The following TRAPPC9 variants were observed in gnomAD, a reference collection of about 807,000 sequenced individuals.
TRAPPC9 encodes the protein IKK2 binding protein.
In TRAPPC9, 83 loss-of-function variants were observed where a neutral mutation model predicts 124.0. The ratio of observed to expected loss-of-function variants is 0.67; its 90% CI spans 0.56 to 0.80. TRAPPC9 has a LOEUF of 0.80. TRAPPC9 is among the 30% of genes least tolerant of loss of function. The pLI, the probability that TRAPPC9 is intolerant of heterozygous loss-of-function variation, is 0.00. For synonymous variants in TRAPPC9, 638 were observed against 617.5 expected, an observed-to-expected ratio of 1.03 and a Z score of -0.49; for missense variants, 1,302 against 1,508.3, an observed-to-expected ratio of 0.86 and a Z score of 2.27.
intron 17 of TRAPPC9, among the ~76,000 whole-genome samples, chr8:140,187,354 T>G (rs1323947588): frequency 2.0e-5 from 3 of 152,158 alleles, no homozygotes; most frequent in African/African-American, 7.2e-5. Flanking sequence ...TGGCTGAGCA[T>G]CCCAACTCGG....
chr8:140,053,174 C>T (rs1207971434), intron 17 of TRAPPC9, among the ~76,000 whole-genome samples: 3 of 152,328 alleles, frequency 2.0e-5, no homozygotes, highest in Middle Eastern at 3.4e-3. Flanking sequence ...AGAGAAAGGA[C>T]GATGAGACAG....
intron 9 of TRAPPC9, among the ~76,000 whole-genome samples, chr8:140,337,414 A>G (rs1375628480): frequency 6.6e-6 from 1 of 152,216 alleles, no homozygotes; most frequent in African/African-American, 2.4e-5. Context: ...AACAGGAAGA[A>G]CATTCTAAGA....
chr8:139,926,129 G>A (rs1344861751), intron 19 of TRAPPC9, among the ~76,000 whole-genome samples: 2 of 152,226 alleles, frequency 1.3e-5, no homozygotes, highest in African/African-American at 4.8e-5. Flanking sequence ...ATGATCCAAG[G>A]CTGGTTGTTA....
At chr8:139,785,805 G>A (rs527254006) in intron 21 of TRAPPC9, among the ~76,000 whole-genome samples, 5 of 152,224 alleles carry the variant, frequency 3.3e-5, no homozygotes, top group Non-Finnish European at 7.4e-5. Flanking sequence ...ACACTATTAA[G>A]AGAATGAAAA....
At chr8:140,312,812 T>A (rs2066336240) in intron 9 of TRAPPC9, among the ~76,000 whole-genome samples, 1 of 149,434 alleles carries the variant, frequency 6.7e-6, no homozygotes, top group African/African-American at 2.5e-5. Flanking sequence ...CAGGCTGGAG[T>A]GCAGAGGTAC....
At chr8:139,775,306 C>G (rs1264085151) in intron 21 of TRAPPC9, among the ~76,000 whole-genome samples, 4 of 152,208 alleles carry the variant, frequency 2.6e-5, no homozygotes, top group Non-Finnish European at 5.9e-5. Flanking sequence ...CTAATAAAAG[C>G]AAACTAGATG....
intron 15 of TRAPPC9, among the ~76,000 whole-genome samples, chr8:140,272,690 G>A (rs2131631112): frequency 6.6e-6 from 1 of 152,192 alleles, no homozygotes; most frequent in Non-Finnish European, 1.5e-5. Context: ...TCCATTCATG[G>A]CAGAAGAGGG....
intron 14 of TRAPPC9, among the ~76,000 whole-genome samples, chr8:140,277,728 C>T (rs1040983518): frequency 6.6e-6 from 1 of 152,198 alleles, no homozygotes; most frequent in Admixed American, 6.5e-5. Context: ...AGCAGGGACC[C>T]CACTCCAGCC....
At chr8:140,020,490 G>A (rs75095923) in intron 18 of TRAPPC9, among the ~76,000 whole-genome samples, 3,212 of 152,152 alleles carry the variant, frequency 0.021, 136 homozygotes, top group African/African-American at 0.072. Context: ...AACCAGTTGC[G>A]GTCCTCTGCA....
At chr8:140,081,750 C>T (rs145963173) in intron 17 of TRAPPC9, among the ~76,000 whole-genome samples, 216 of 152,194 alleles carry the variant, frequency 1.4e-3, no homozygotes, top group South Asian at 0.012. Flanking sequence ...TCTTTTGGGG[C>T]GGGGACCAGA....
chr8:140,205,589 C>T (rs2062899312), intron 17 of TRAPPC9, among the ~76,000 whole-genome samples: 1 of 152,196 alleles, frequency 6.6e-6, no homozygotes, highest in Non-Finnish European at 1.5e-5. Flanking sequence ...CATGAATGCA[C>T]TACATGAACT....
intron 17 of TRAPPC9, among the ~76,000 whole-genome samples, chr8:140,055,263 A>C (rs1265146766): frequency 6.6e-6 from 1 of 152,240 alleles, no homozygotes; most frequent in Non-Finnish European, 1.5e-5. Flanking sequence ...AATAAAGGGC[A>C]AAATCACAGG....
At chr8:139,975,428 G>A (rs140947728) in intron 19 of TRAPPC9, among the ~76,000 whole-genome samples, 30 of 152,320 alleles carry the variant, frequency 2.0e-4, no homozygotes, top group African/African-American at 7.2e-4. Flanking sequence ...TGATGGTGCT[G>A]CTGCTGGCCT....
At chr8:139,895,556 A>G (rs887145152) in intron 20 of TRAPPC9, among the ~76,000 whole-genome samples, 8 of 152,340 alleles carry the variant, frequency 5.3e-5, no homozygotes, top group African/African-American at 1.9e-4. Flanking sequence ...ACCTACTTAA[A>G]GTAATACAAA....
At chr8:140,132,513 A>C (rs2061226355) in intron 17 of TRAPPC9, among the ~76,000 whole-genome samples, 1 of 152,022 alleles carries the variant, frequency 6.6e-6, no homozygotes. Context: ...CTTTACTTTC[A>C]CCACTGCAGC....
intron 21 of TRAPPC9, among the ~76,000 whole-genome samples, chr8:139,876,604 T>C (rs1829337299): frequency 6.6e-6 from 1 of 152,160 alleles, no homozygotes; most frequent in African/African-American, 2.4e-5. Flanking sequence ...TTGAGTTTAT[T>C]TTTGGGTCCC....
intron 18 of TRAPPC9, among the ~76,000 whole-genome samples, chr8:139,999,592 T>C (rs73725373): frequency 6.6e-6 from 1 of 151,552 alleles, no homozygotes; most frequent in East Asian, 1.9e-4. Context: ...TAGTGAACAC[T>C]CCACCCACCA....
At chr8:139,829,339 C>T (rs949654610) in intron 21 of TRAPPC9, among the ~76,000 whole-genome samples, 2 of 152,246 alleles carry the variant, frequency 1.3e-5, no homozygotes, top group Non-Finnish European at 2.9e-5. Flanking sequence ...AGGAAGCAGA[C>T]GATAGGGATG....
At chr8:139,832,405 C>T (rs1351573429) in intron 21 of TRAPPC9, among the ~76,000 whole-genome samples, 2 of 152,204 alleles carry the variant, frequency 1.3e-5, no homozygotes, top group East Asian at 1.9e-4. Context: ...TGAGACCTGC[C>T]GCTCCTGCCA....
Sources: allele counts gnomAD v4.1 joint callset (sites outside exome capture counted in the v4.1 genomes callset), GRCh38; gene constraint gnomAD v4.1.1; transcripts MANE v1.5; gene names NCBI Gene and HGNC (gene_info 2026-07-23, HGNC 2026-07-21).